KDM4C: variants seen among roughly 807,000 people sequenced by gnomAD.
KDM4C encodes the protein lysine-specific demethylase 4C.
A neutral mutation model predicts 129.3 loss-of-function variants in KDM4C; 81 were observed. The observed-to-expected ratio is 0.63, with a 90% CI of 0.52 to 0.75. The LOEUF (loss-of-function observed/expected upper bound fraction) is 0.75, where lower values mean the gene tolerates loss of function less well. Ranked by LOEUF, KDM4C falls within the 30% of genes least tolerant of loss-of-function variation. The pLI is 0.00. For synonymous variants in KDM4C, 573 were observed against 456.1 expected, an observed-to-expected ratio of 1.26 and a Z score of -3.26; for missense variants, 1,457 against 1,304.0, an observed-to-expected ratio of 1.12 and a Z score of -1.81.
At chr9:6,797,145 AATTTTTTTTAT>A (rs1350657309) in intron 2 of KDM4C, among the ~76,000 whole-genome samples, 1 of 151,744 alleles carries the variant, frequency 6.6e-6, no homozygotes, top group African/African-American at 2.4e-5. Flanking sequence ...ACGCCTGGGT[AATTTTTTTTAT>A]TTTTTGTTTT....
chr9:6,958,477 C>T (rs2131579020), intron 8 of KDM4C, among the ~76,000 whole-genome samples: 1 of 151,886 alleles, frequency 6.6e-6, no homozygotes, highest in East Asian at 1.9e-4. Context: ...ATCTCAGCTA[C>T]TTGGGAGGCT....
chr9:6,854,326 C>T (rs7036291), intron 5 of KDM4C, among the ~76,000 whole-genome samples: 330 of 151,918 alleles, frequency 2.2e-3, no homozygotes, highest in African/African-American at 7.5e-3. Context: ...GTCAGGAGCT[C>T]GAGACCAGCC....
intron 8 of KDM4C, among the ~76,000 whole-genome samples, chr9:6,954,760 G>C (rs1447311355): frequency 6.6e-6 from 1 of 152,144 alleles, no homozygotes; most frequent in Admixed American, 6.5e-5. Flanking sequence ...ACTATTGTCA[G>C]GTCAGTTGAG....
At chr9:6,945,276 T>C (rs1341966438) in intron 8 of KDM4C, among the ~76,000 whole-genome samples, 1 of 152,188 alleles carries the variant, frequency 6.6e-6, no homozygotes, top group Non-Finnish European at 1.5e-5. Flanking sequence ...TAATTTATCT[T>C]TTTTCTGTTA....
intron 18 of KDM4C, among the ~76,000 whole-genome samples, chr9:7,111,075 C>T (rs1184262880): frequency 6.6e-6 from 1 of 152,158 alleles, no homozygotes; most frequent in Admixed American, 6.5e-5. Flanking sequence ...TTCTTGCTGA[C>T]CAGACCTCAT....
intron 8 of KDM4C, among the ~76,000 whole-genome samples, chr9:6,944,747 C>T (rs545940036): frequency 1.5e-5 from 2 of 129,168 alleles, no homozygotes; most frequent in South Asian, 5.3e-4. Flanking sequence ...TAGTAGATTT[C>T]GGCTTGCTTA....
chr9:6,938,750 C>G (rs1033197517), intron 8 of KDM4C, among the ~76,000 whole-genome samples: 1 of 152,042 alleles, frequency 6.6e-6, no homozygotes, highest in Non-Finnish European at 1.5e-5. Context: ...TTCTGCTATG[C>G]AAATCATGGT....
chr9:6,857,892 C>G (rs1220491174), intron 5 of KDM4C, among the ~76,000 whole-genome samples: 5 of 146,084 alleles, frequency 3.4e-5, no homozygotes, highest in Admixed American at 3.4e-4. Flanking sequence ...GTAGCTAGGA[C>G]TACAGGTGCA....
At chr9:6,839,533 C>T (rs905020694) in intron 4 of KDM4C, among the ~76,000 whole-genome samples, 3 of 151,876 alleles carry the variant, frequency 2.0e-5, no homozygotes, top group African/African-American at 4.8e-5. Flanking sequence ...AGCCACCACG[C>T]CTGGCCAAAT....
At chr9:6,986,881 C>G in intron 11 of KDM4C, 1 of 452,568 alleles carries the variant, frequency 2.2e-6, no homozygotes, top group Non-Finnish European at 3.9e-6. Context: ...CTTATGGCCA[C>G]GTGTCGATGC....
chr9:6,787,016 C>G (rs1259764669), intron 1 of KDM4C, among the ~76,000 whole-genome samples: 1 of 152,134 alleles, frequency 6.6e-6, no homozygotes, highest in East Asian at 1.9e-4. Flanking sequence ...TGAAAAAGGT[C>G]TAAAACCTAA....
chr9:7,061,781 T>C (rs955564751), intron 17 of KDM4C, among the ~76,000 whole-genome samples: 1 of 152,208 alleles, frequency 6.6e-6, no homozygotes, highest in Non-Finnish European at 1.5e-5. Context: ...AACCTTCAGG[T>C]TTTTTTCTTA....
At chr9:6,912,302 T>C (rs757406973) in intron 8 of KDM4C, among the ~76,000 whole-genome samples, 23 of 152,210 alleles carry the variant, frequency 1.5e-4, no homozygotes, top group Non-Finnish European at 1.6e-4. Flanking sequence ...CTGTCACTTC[T>C]TGCAGTCAGG....
chr9:6,729,514 T>G (rs1469874962), intron 1 of KDM4C, among the ~76,000 whole-genome samples: 1 of 133,446 alleles, frequency 7.5e-6, no homozygotes. Flanking sequence ...GCCACTGCAC[T>G]CCAGCTTGGA....
In KDM4C at chr9:7,080,638, A is replaced by G. The variant is rs1029214724; in HGVS notation, c.2425-23047A>G. ...ACTGCCTTTGTCTATTGGGTTTTATATTTGGGGCAGACATTTTACATAAAT... is the reference window on the plus strand; with the variant it reads ...ACTGCCTTTGTCTATTGGGTTTTATGTTTGGGGCAGACATTTTACATAAAT... On this transcript the variant is annotated intron_variant, in intron 17 of 21. Coordinates refer to ENST00000381309, the MANE Select transcript of KDM4C (RefSeq NM_015061.6). Among the ~76,000 whole-genome samples, 8 of 152,318 alleles carry G rather than the reference A, an allele frequency of 5.3e-5. 1 individual carries two copies. Among genetic ancestry groups the G allele is most frequent in the Middle Eastern group, 6.8e-3 (2 of 294 alleles).
At chr9:7,095,024 C>T (rs1400623895) in intron 17 of KDM4C, among the ~76,000 whole-genome samples, 10 of 152,264 alleles carry the variant, frequency 6.6e-5, no homozygotes, top group Admixed American at 3.9e-4. Flanking sequence ...TTTATTGTTC[C>T]GTTTCCCAAC....
rs149007043 is a variant in KDM4C, at chr9:6,735,409, C to T, written c.49+14412C>T. Among the ~76,000 whole-genome samples the T allele has an allele frequency of 8.4e-3, 1,280 of 152,290 alleles. 8 individuals carry two copies. Among genetic ancestry groups the T allele is most frequent in the Non-Finnish European group, 0.014 (930 of 68,020 alleles). On this transcript the variant is annotated intron_variant, in intron 1 of 17. Coordinates refer to the KDM4C transcript ENST00000536108. ...GCTTGACAGCAGTGATATGCTTTGG[C>T]TGTGTCCCCACCCAAATCTCATCTT...
intron 6 of KDM4C, among the ~76,000 whole-genome samples, chr9:6,884,999 G>C (rs1363148935): frequency 6.6e-6 from 1 of 152,070 alleles, no homozygotes; most frequent in Non-Finnish European, 1.5e-5. Context: ...TGATTTTTTT[G>C]AGTCAGTTTT....
rs143573550 is a variant in KDM4C at position 7,103,833 on chromosome 9, A to G, written c.2573A>G (p.Asn858Ser). 1 of 1,613,882 alleles carries G rather than the reference A, an allele frequency of 6.2e-7. No individual in the cohort carries two copies. The highest frequency in any genetic ancestry group is 1.3e-5 in the African/African-American group (1 of 74,890). ...CCTGATGACTGGCCTTATGTGGTGA[A>G]CATTACATGCTTTCGACATAAGGTC... Reference protein sequence around the residue: ...MEPDDWPYVVNITCFRHKVNP... With the variant: ...MEPDDWPYVVSITCFRHKVNP... The change falls in exon 18 of 22, where the codon AAC (asparagine) becomes AGC (serine). Residue 858 changes from asparagine (N) to serine (S), a missense_variant. Coordinates refer to ENST00000381309, the MANE Select transcript of KDM4C (RefSeq NM_015061.6).
Sources: allele counts gnomAD v4.1 joint callset (sites outside exome capture counted in the v4.1 genomes callset), GRCh38; gene constraint gnomAD v4.1.1; transcripts MANE v1.5; gene names NCBI Gene and HGNC (gene_info 2026-07-23, HGNC 2026-07-21).